SLC38A12: variants seen among roughly 807,000 people sequenced by gnomAD.
SLC38A12 encodes the protein solute carrier family 38 member 12.
chr17:74,807,033 A>G, the SLC38A12 span, among the ~76,000 whole-genome samples: 1 of 152,190 alleles, frequency 6.6e-6, no homozygotes, highest in Non-Finnish European at 1.5e-5. Flanking sequence ...TCCTCTCCAG[A>G]AAGCAAAGTC....
the SLC38A12 span, among the ~76,000 whole-genome samples, chr17:74,812,638 C>T: frequency 3.5e-3 from 527 of 152,106 alleles, 4 homozygotes; most frequent in African/African-American, 0.011. Context: ...CTCGGCTGTG[C>T]GATTTGTGCG....
the SLC38A12 span, among the ~76,000 whole-genome samples, chr17:74,827,453 G>C: frequency 6.6e-6 from 1 of 151,958 alleles, no homozygotes; most frequent in Non-Finnish European, 1.5e-5. This position sits in a 1 kb window ranked among gnomAD's most constrained non-coding sequence, Gnocchi z 4.7. Context: ...GGGCCACCAC[G>C]CCCAGCTAAT....
At chr17:74,785,622 T>A in the SLC38A12 span, 1 of 1,610,994 alleles carries the variant, frequency 6.2e-7, no homozygotes, top group Non-Finnish European at 8.5e-7. Flanking sequence ...CAGCGGGGAC[T>A]TCCCCACAGG....
chr17:74,788,659 A>G, the SLC38A12 span: 2 of 680,078 alleles, frequency 2.9e-6, no homozygotes, highest in Non-Finnish European at 2.5e-6. Context: ...GCCCATCTCT[A>G]GGGAACAGCT....
chr17:74,802,684 C>T, the SLC38A12 span, among the ~76,000 whole-genome samples: 3 of 152,036 alleles, frequency 2.0e-5, no homozygotes, highest in Admixed American at 6.6e-5. Flanking sequence ...ATTCAAAAAT[C>T]CAAAATATTC....
the SLC38A12 span, among the ~76,000 whole-genome samples, chr17:74,835,065 G>A: frequency 2.0e-5 from 3 of 152,210 alleles, no homozygotes; most frequent in Non-Finnish European, 4.4e-5. Flanking sequence ...GAGGGTCACC[G>A]TAAAGGGCTG....
At chr17:74,777,725 GCCTGGCCAA>G in the SLC38A12 span, 4 of 745,974 alleles carry the variant, frequency 5.4e-6, no homozygotes, top group Non-Finnish European at 8.1e-6. Context: ...TTCAAGACCA[GCCTGGCCAA>G]CATGGTAAAA....
chr17:74,783,753 CG>C, the SLC38A12 span, among the ~76,000 whole-genome samples: 8 of 111,150 alleles, frequency 7.2e-5, no homozygotes, highest in African/African-American at 3.0e-4. Flanking sequence ...TTTTTTGAGA[CG>C]GAGTCTCGCT....
the SLC38A12 span, among the ~76,000 whole-genome samples, chr17:74,784,551 C>T: frequency 6.6e-6 from 1 of 151,892 alleles, no homozygotes; most frequent in African/African-American, 2.4e-5. Context: ...CTTGGTGGAG[C>T]CTGCCGATTG....
chr17:74,830,602 G>A, the SLC38A12 span, among the ~76,000 whole-genome samples: 18 of 152,224 alleles, frequency 1.2e-4, no homozygotes, highest in South Asian at 4.1e-4. Context: ...CGGTAAAGCC[G>A]ATATTAACAA....
At chr17:74,796,000 C>G in the SLC38A12 span, among the ~76,000 whole-genome samples, 1 of 152,194 alleles carries the variant, frequency 6.6e-6, no homozygotes, top group Non-Finnish European at 1.5e-5. Flanking sequence ...TTTGACCTTA[C>G]TCCTGGCCAG....
the SLC38A12 span, among the ~76,000 whole-genome samples, chr17:74,826,116 A>G: frequency 6.6e-6 from 1 of 152,202 alleles, no homozygotes; most frequent in African/African-American, 2.4e-5. Context: ...CTGCCTTCCC[A>G]ATGATTGCAC....
At chr17:74,821,428 C>T in the SLC38A12 span, among the ~76,000 whole-genome samples, 2 of 152,192 alleles carry the variant, frequency 1.3e-5, no homozygotes, top group Non-Finnish European at 2.9e-5. Flanking sequence ...TTCCAAAGCC[C>T]CAGGTTAAAT....
At chr17:74,788,647 A>AAGCCCATCTCT in the SLC38A12 span, 2 of 625,724 alleles carry the variant, frequency 3.2e-6, no homozygotes, top group African/African-American at 3.7e-5. Context: ...TTACCAAGTA[A>AAGCCCATCTCT]AGCCCATCTC....
At chr17:74,795,903 G>C in the SLC38A12 span, among the ~76,000 whole-genome samples, 4 of 152,214 alleles carry the variant, frequency 2.6e-5, no homozygotes, top group Admixed American at 1.3e-4. Flanking sequence ...GACCGTGACT[G>C]TTGTAAACTT....
At chr17:74,839,105 C>G in the SLC38A12 span, 7 of 1,532,496 alleles carry the variant, frequency 4.6e-6, no homozygotes, top group South Asian at 1.2e-5. Context: ...CACCTGAGCC[C>G]CAGAGCCTCA....
At chr17:74,777,353 C>T in the SLC38A12 span, 52 of 1,614,080 alleles carry the variant, frequency 3.2e-5, 1 homozygote, top group South Asian at 5.3e-4. Context: ...ATTACAGAGA[C>T]CGGGGAACTC....
the SLC38A12 span, among the ~76,000 whole-genome samples, chr17:74,792,437 T>C: frequency 6.6e-6 from 1 of 152,040 alleles, no homozygotes; most frequent in Non-Finnish European, 1.5e-5. Context: ...GGCTGCAGAG[T>C]AGGACCTTGT....
chr17:74,835,985 G>T, the SLC38A12 span: 3 of 1,610,994 alleles, frequency 1.9e-6, no homozygotes, highest in Non-Finnish European at 2.5e-6. Context: ...AAGGGGAGGG[G>T]CACCCGCCCC....
Sources: gnomAD v4.1 joint callset for allele counts (sites outside exome capture counted in the v4.1 genomes callset) on GRCh38, gnomAD v4.1.1 for gene constraint, Gnocchi (gnomAD v3.1) non-coding constraint, MANE v1.5 for transcripts, NCBI Gene and HGNC (gene_info 2026-07-23, HGNC 2026-07-21) for gene names.